The following STX8 variants were observed in gnomAD, a reference collection of about 807,000 sequenced individuals.
The protein encoded by STX8 is syntaxin-8.
In STX8, 23 loss-of-function variants were observed where a neutral mutation model predicts 37.5. That is an observed-to-expected ratio of 0.61 (90% confidence interval 0.44 to 0.87). The LOEUF is 0.87. Among genes scored for constraint, STX8 ranks in the 40% least tolerant of loss-of-function variants. The pLI is 0.00. For missense variants in STX8, 313 were observed against 284.7 expected (o/e 1.10, Z -0.71); for synonymous variants, 115 against 99.1 (o/e 1.16, Z -0.95).
chr17:9,457,835 C>T (rs1373622243), intron 6 of STX8, among the ~76,000 whole-genome samples: 1 of 152,202 alleles, frequency 6.6e-6, no homozygotes, highest in African/African-American at 2.4e-5. Context: ...GCAGATTTTC[C>T]TTCATGTTTA....
intron 5 of STX8, among the ~76,000 whole-genome samples, chr17:9,495,855 G>A (rs1196174889): frequency 6.6e-6 from 1 of 152,172 alleles, no homozygotes; most frequent in Non-Finnish European, 1.5e-5. Context: ...TAGAGACAAT[G>A]ATCAAAACAC....
At chr17:9,568,321 G>T (rs950252651) in intron 2 of STX8, 50 bp downstream of exon 2, 5 of 1,419,310 alleles carry the variant, frequency 3.5e-6, no homozygotes, top group Non-Finnish European at 3.9e-6. Flanking sequence ...GGGTTTTCAG[G>T]CCTCAAAACT....
At chr17:9,347,085 C>G (rs1396241944) in intron 7 of STX8, among the ~76,000 whole-genome samples, 1 of 151,358 alleles carries the variant, frequency 6.6e-6, no homozygotes, top group Non-Finnish European at 1.5e-5. Flanking sequence ...TGAGATCACA[C>G]CATTGTGCTC....
chr17:9,313,824 G>T (rs920887385), intron 7 of STX8, among the ~76,000 whole-genome samples: 24 of 152,160 alleles, frequency 1.6e-4, no homozygotes, highest in East Asian at 1.3e-3. Flanking sequence ...TAGAGACGGG[G>T]TTTCACTATG....
At chr17:9,528,504 G>A (rs760828769) in intron 4 of STX8, among the ~76,000 whole-genome samples, 17 of 152,122 alleles carry the variant, frequency 1.1e-4, no homozygotes, top group Non-Finnish European at 1.8e-4. Context: ...GTAGAGAGTA[G>A]AGACCATGTT....
chr17:9,536,738 C>T (rs773583447), intron 4 of STX8, among the ~76,000 whole-genome samples: 3 of 144,022 alleles, frequency 2.1e-5, no homozygotes, highest in Admixed American at 6.8e-5. Context: ...CAAGAATGGG[C>T]TTATTATTAT....
intron 6 of STX8, chr17:9,470,083 C>T (rs1363306653): frequency 6.6e-6 from 1 of 152,142 alleles, no homozygotes; most frequent in Non-Finnish European, 1.5e-5. Context: ...TTCAGTTCCC[C>T]AACTACTGTT....
At position 9,372,722 on chromosome 17, in the gene STX8, C is replaced by T. The variant is rs959717353; in HGVS notation, c.643+5830G>A. ...TGAACTCTTGACCTTGTGATCCACCCGCCTCGGCCTCCCAAAGTGCTGGGA... is the reference window on the plus strand; with the variant it reads ...TGAACTCTTGACCTTGTGATCCACCTGCCTCGGCCTCCCAAAGTGCTGGGA... On this transcript the variant is annotated intron_variant, in intron 7 of 7. Coordinates refer to ENST00000306357, the MANE Select transcript of STX8 (RefSeq NM_004853.3). Among the ~76,000 whole-genome samples the T allele has an allele frequency of 8.6e-5, 13 of 151,194 alleles. 2 individuals are homozygous for T. Among genetic ancestry groups the T allele is most frequent in the Middle Eastern group, 3.5e-3 (1 of 286 alleles).
intron 4 of STX8, among the ~76,000 whole-genome samples, chr17:9,509,191 G>A (rs572352301): frequency 6.6e-6 from 1 of 152,306 alleles, no homozygotes; most frequent in African/African-American, 2.4e-5. Flanking sequence ...GGAGGTTGCA[G>A]TGAGCTGAGA....
intron 7 of STX8, among the ~76,000 whole-genome samples, chr17:9,284,040 CTT>C (rs1907988271): frequency 6.6e-6 from 1 of 152,164 alleles, no homozygotes; most frequent in South Asian, 2.1e-4. Flanking sequence ...AACAATAAGA[CTT>C]TTCTGAGGTT....
rs1272224828 is a variant in STX8 at position 9,319,547 on chromosome 17, A to G, written c.643+59005T>C. Among the ~76,000 whole-genome samples the G allele has an allele frequency of 3.3e-5, 5 of 152,256 alleles. No homozygotes were observed. In the East Asian group the frequency reaches 9.6e-4, roughly 29 times the overall value. ...GCAGCACATCATTTGATTCAACAGG[A>G]AACAAGATTTACAGTCATATCCCAT... On this transcript the variant is annotated intron_variant, in intron 7 of 7. Transcript: ENST00000306357.
chr17:9,310,286 A>G (rs1909145936), intron 7 of STX8, among the ~76,000 whole-genome samples: 1 of 152,226 alleles, frequency 6.6e-6, no homozygotes, highest in South Asian at 2.1e-4. Context: ...GCAGATTCAG[A>G]TTGCAACCTC....
chr17:9,327,384 G>A (rs1339455354), intron 7 of STX8, among the ~76,000 whole-genome samples: 2 of 151,574 alleles, frequency 1.3e-5, no homozygotes, highest in South Asian at 4.2e-4. Context: ...AGGAGAAGGA[G>A]GGGGAGAGGG....
At chr17:9,438,838 A>G (rs1904537953) in intron 6 of STX8, among the ~76,000 whole-genome samples, 1 of 152,112 alleles carries the variant, frequency 6.6e-6, no homozygotes, top group Non-Finnish European at 1.5e-5. Context: ...CTGAGGCAGG[A>G]GAACAGCATG....
At chr17:9,532,908 G>A (rs1395199031) in intron 4 of STX8, among the ~76,000 whole-genome samples, 6 of 152,090 alleles carry the variant, frequency 3.9e-5, no homozygotes, top group Admixed American at 6.6e-5. Flanking sequence ...AAAAAAAGAT[G>A]ATGCAGCATA....
intron 4 of STX8, among the ~76,000 whole-genome samples, chr17:9,530,318 A>G (rs1373597423): frequency 6.6e-6 from 1 of 152,142 alleles, no homozygotes; most frequent in Non-Finnish European, 1.5e-5. Context: ...CTCAAAAAAA[A>G]AAAAAAAAAA....
At chr17:9,448,162 G>C (rs1340319535) in intron 6 of STX8, among the ~76,000 whole-genome samples, 3 of 121,250 alleles carry the variant, frequency 2.5e-5, no homozygotes, top group African/African-American at 6.5e-5. Flanking sequence ...GCAACAGAAT[G>C]AGACTCCATC....
rs1011422891 is a variant in STX8, at chr17:9,281,962, A to C, written c.644-31317T>G. On this transcript the variant is annotated intron_variant, in intron 7 of 7. Coordinates refer to ENST00000306357, the MANE Select transcript of STX8 (RefSeq NM_004853.3). Reference sequence around the variant, plus strand: ...GCTCAGGTATGGGTCTAGCATCGACAGCTGCTGGAGGCCTCTCCACCAGGG... The same window carrying C: ...GCTCAGGTATGGGTCTAGCATCGACCGCTGCTGGAGGCCTCTCCACCAGGG... Among the ~76,000 whole-genome samples, 94 of 152,312 alleles carry C rather than the reference A, an allele frequency of 6.2e-4. 1 individual carries two copies. The highest frequency in any genetic ancestry group is 1.9e-3 in the African/African-American group (78 of 41,572).
intron 6 of STX8, among the ~76,000 whole-genome samples, chr17:9,458,139 A>C (rs746583488): frequency 1.3e-5 from 2 of 152,136 alleles, no homozygotes; most frequent in Non-Finnish European, 2.9e-5. Context: ...TGGAGGAGTA[A>C]ATATGCTGGC....
Sources: allele counts gnomAD v4.1 joint callset (sites outside exome capture counted in the v4.1 genomes callset), GRCh38; gene constraint gnomAD v4.1.1; transcripts MANE v1.5; gene names NCBI Gene and HGNC (gene_info 2026-07-23, HGNC 2026-07-21).